PHF12: variants seen among roughly 807,000 people sequenced by gnomAD.
PHF12 encodes the protein PHD finger protein 12, also known as PHD factor 1.
A neutral mutation model predicts 99.8 loss-of-function variants in PHF12; 6 were observed. The ratio of observed to expected loss-of-function variants is 0.06; its 90% CI spans 0.03 to 0.12. The LOEUF (loss-of-function observed/expected upper bound fraction) is 0.12, where lower values mean the gene tolerates loss of function less well. Ranked by LOEUF, PHF12 falls within the 10% of genes least tolerant of loss-of-function variation. The pLI is 1.00. For synonymous variants in PHF12, 480 were observed against 514.9 expected, an observed-to-expected ratio of 0.93 and a Z score of 0.92; for missense variants, 954 against 1,300.1, an observed-to-expected ratio of 0.73 and a Z score of 4.09.
chr17:28,921,135 C>T (rs1223923175), intron 5 of PHF12, among the ~76,000 whole-genome samples: 3 of 152,038 alleles, frequency 2.0e-5, no homozygotes, highest in South Asian at 4.1e-4. Context: ...CAGCCTGCCT[C>T]GGCCTCCCAA....
At chr17:28,914,693 A>G (rs1224287153) in intron 7 of PHF12, among the ~76,000 whole-genome samples, 1 of 150,682 alleles carries the variant, frequency 6.6e-6, no homozygotes, top group Non-Finnish European at 1.5e-5. Context: ...AAAAAAAAAA[A>G]AAAAAAAAAT....
chr17:28,911,090 C>T, intron 10 of PHF12, 22 bp downstream of exon 10: 3 of 1,613,828 alleles, frequency 1.9e-6, no homozygotes, highest in South Asian at 2.2e-5. Flanking sequence ...AACGGTGGAA[C>T]AGCAGCAGCT....
chr17:28,910,701 T>C (rs1172658175), intron 10 of PHF12: 1 of 411,526 alleles, frequency 2.4e-6, no homozygotes, highest in Admixed American at 4.2e-5. Flanking sequence ...AGACTTGAAC[T>C]TTCTACCCAC....
rs2039887756 is a variant in PHF12, at chr17:28,907,264, T to A, written c.2542-270A>T. The A allele has an allele frequency of 1.3e-5, 7 of 522,472 alleles. No individual in the cohort carries two copies. In the South Asian group the frequency reaches 1.5e-4, roughly 12 times the overall value. 32.4% of individuals were successfully genotyped at this position (522,472 alleles called of 1,614,324 possible). A position where few individuals can be genotyped will look rare whatever the true frequency, so the allele number is the denominator to read the frequency against. Reference sequence around the variant, plus strand: ...TGGTATGATACTCACTGGCCCGTGATGATAATGAAATTCACAGGGACACAC... The same window carrying A: ...TGGTATGATACTCACTGGCCCGTGAAGATAATGAAATTCACAGGGACACAC... On this transcript the variant is annotated intron_variant, in intron 13 of 14. Coordinates refer to ENST00000332830, the MANE Select transcript of PHF12 (RefSeq NM_001033561.2).
chr17:28,947,216 C>T (rs1206803022), intron 2 of PHF12, among the ~76,000 whole-genome samples: 1 of 151,518 alleles, frequency 6.6e-6, no homozygotes, highest in African/African-American at 2.4e-5. Context: ...CTCCTGACCT[C>T]GTGATCCACC....
At chr17:28,931,802 G>A (rs1463631318) in intron 2 of PHF12, among the ~76,000 whole-genome samples, 3 of 151,532 alleles carry the variant, frequency 2.0e-5, no homozygotes, top group East Asian at 1.9e-4. Flanking sequence ...GGCTGGTCTC[G>A]AACTCCTGAC....
At chr17:28,922,319 C>A (rs899252313) in intron 4 of PHF12, among the ~76,000 whole-genome samples, 3 of 152,070 alleles carry the variant, frequency 2.0e-5, no homozygotes, top group Non-Finnish European at 2.9e-5. Context: ...GTCTCCAATT[C>A]CTGGCCTTAA....
chr17:28,923,684 A>AT (rs1287688171), intron 4 of PHF12, among the ~76,000 whole-genome samples: 3 of 149,068 alleles, frequency 2.0e-5, no homozygotes, highest in Admixed American at 6.7e-5. Context: ...AAGGAAAAAG[A>AT]TAATTCTGGG....
intron 3 of PHF12, 35 bp from the exon 4 acceptor site, chr17:28,924,337 G>C (rs950486064): frequency 1.9e-6 from 3 of 1,613,548 alleles, no homozygotes; most frequent in Admixed American, 3.3e-5. Flanking sequence ...ATCATGAAAA[G>C]TACCATGAAA....
chr17:28,933,010 GA>G (rs1163715137), intron 2 of PHF12, among the ~76,000 whole-genome samples: 1 of 152,146 alleles, frequency 6.6e-6, no homozygotes, highest in Non-Finnish European at 1.5e-5. Context: ...GTGCAACTCT[GA>G]AAACAATTAC....
chr17:28,906,017 A>G lies in PHF12; in HGVS notation c.*166T>C, dbSNP rs2039865255. The G allele has an allele frequency of 2.8e-6, 2 of 706,052 alleles. No individual in the cohort carries two copies. Among genetic ancestry groups the G allele is most frequent in the East Asian group, 2.9e-5 (1 of 34,434 alleles). The allele number at this position is 706,052 out of a possible 1,614,324, so 43.7% of individuals were successfully genotyped here. On this transcript the variant is annotated 3_prime_UTR_variant, in exon 15 of 15. Transcript: ENST00000332830. This position sits in a 1 kb window ranked among gnomAD's most constrained non-coding sequence, Gnocchi z 4.2. ...CCCCCTAGAACTTGAGAAAAGAAAA[A>G]GGATTTTTAAAAAACAGTCAAAAGG...
intron 2 of PHF12, among the ~76,000 whole-genome samples, chr17:28,934,405 C>G (rs867551841): frequency 1.3e-5 from 2 of 152,098 alleles, no homozygotes; most frequent in Admixed American, 1.3e-4. Flanking sequence ...AGCCAGTGAG[C>G]CTTTAAAGAC....
chr17:28,925,343 G>C (rs1373716496), intron 3 of PHF12: 1 of 152,246 alleles, frequency 6.6e-6, no homozygotes, highest in Non-Finnish European at 1.5e-5. Context: ...ATATACGAAA[G>C]GGATAATTTG....
intron 10 of PHF12, 33 bp downstream of exon 10, chr17:28,911,079 A>C (rs1382460649): frequency 6.2e-7 from 1 of 1,613,820 alleles, no homozygotes; most frequent in Admixed American, 1.7e-5. Flanking sequence ...TCAACATAGC[A>C]AACGGTGGAA....
At position 28,925,927 on chromosome 17, in the gene PHF12, C is replaced by G. The variant is rs764598042; in HGVS notation, c.321+1064G>C. On this transcript the variant is annotated intron_variant, in intron 3 of 14. Coordinates refer to ENST00000332830, the MANE Select transcript of PHF12 (RefSeq NM_001033561.2). ...TTTCAGGTCCAGCTTTTTTGAGTGG[C>G]AAGTTTGAGAGGGCTCCTGGCTGGC... 2.0e-5 allele frequency: 3 copies of G among 152,216 alleles called. No homozygotes were observed. In the East Asian group the frequency reaches 5.8e-4, roughly 29 times the overall value. 9.4% of individuals were successfully genotyped at this position (152,216 alleles called of 1,614,324 possible).
rs1157436308 is a variant in PHF12, at chr17:28,906,296, C to T, written c.2902G>A (p.Ala968Thr). 6.2e-6 allele frequency: 10 copies of T among 1,614,104 alleles called. No individual in the cohort carries two copies. Among genetic ancestry groups the T allele is most frequent in the Non-Finnish European group, 8.5e-7 (1 of 1,180,040 alleles). ...LQFVFSITEF[A>T]TKQPKGDASL... ...GCATCGCCTTTGGGCTGTTTGGTCG[C>T]AAACTCAGTGATGCTGAAGACAAAC... Residue 968 changes from alanine (A) to threonine (T), a missense_variant, in exon 15 of 15, where the codon GCG becomes ACG. Physicochemically the swap from Ala to Thr is moderately conservative, Grantham distance 58. Coordinates refer to ENST00000332830, the MANE Select transcript of PHF12 (RefSeq NM_001033561.2). This position sits in a 1 kb window ranked among gnomAD's most constrained non-coding sequence, Gnocchi z 4.2.
intron 2 of PHF12, among the ~76,000 whole-genome samples, chr17:28,936,747 C>T (rs975695895): frequency 7.2e-5 from 11 of 152,308 alleles, no homozygotes; most frequent in African/African-American, 2.4e-4. Flanking sequence ...AGCAAGCAAA[C>T]AATAGGACTG....
chr17:28,944,650 A>G (rs2040688887), intron 2 of PHF12: 2 of 298,256 alleles, frequency 6.7e-6, no homozygotes, highest in Non-Finnish European at 9.9e-6. Context: ...CTGTCTCAAA[A>G]AAGAAAAAAA....
intron 12 of PHF12, 113 bp from the exon 13 acceptor site, chr17:28,907,785 A>C (rs2039895136): frequency 3.3e-6 from 3 of 896,844 alleles, no homozygotes; most frequent in South Asian, 2.8e-5. Flanking sequence ...ACTAGCAGAG[A>C]CTTCAAGGGT....
Sources: gnomAD v4.1 joint callset for allele counts (sites outside exome capture counted in the v4.1 genomes callset) on GRCh38, gnomAD v4.1.1 for gene constraint, Gnocchi (gnomAD v3.1) non-coding constraint, MANE v1.5 for transcripts, NCBI Gene and HGNC (gene_info 2026-07-23, HGNC 2026-07-21) for gene names.